The following EPB41L2 variants were observed in gnomAD, a reference collection of about 807,000 sequenced individuals.
EPB41L2 encodes erythrocyte membrane protein band 4.1 like 2.
Under a neutral mutation model 113.0 loss-of-function variants are expected in EPB41L2, and 43 were observed. The ratio of observed to expected loss-of-function variants is 0.38; its 90% CI spans 0.30 to 0.49. The LOEUF (loss-of-function observed/expected upper bound fraction) is 0.49, where lower values mean the gene tolerates loss of function less well. Ranked by LOEUF, EPB41L2 falls within the 20% of genes least tolerant of loss-of-function variation. The pLI, the probability that EPB41L2 is intolerant of heterozygous loss-of-function variation, is 0.95. For synonymous variants in EPB41L2, 442 were observed against 436.7 expected, an observed-to-expected ratio of 1.01 and a Z score of -0.15; for missense variants, 1,147 against 1,223.4, an observed-to-expected ratio of 0.94 and a Z score of 0.93.
intron 1 of EPB41L2, among the ~76,000 whole-genome samples, chr6:131,036,834 G>A (rs1014520403): frequency 1.1e-4 from 17 of 152,116 alleles, no homozygotes; most frequent in African/African-American, 3.6e-4. Flanking sequence ...CTGAGAATAG[G>A]CCAGAAGTGA....
At chr6:130,961,731 C>A (rs1366346823) in intron 1 of EPB41L2, among the ~76,000 whole-genome samples, 1 of 152,210 alleles carries the variant, frequency 6.6e-6, no homozygotes, top group Non-Finnish European at 1.5e-5. Flanking sequence ...CTGCTGCCAG[C>A]TGAGTAGCTC....
chr6:130,859,896 C>G (rs1005370827), intron 18 of EPB41L2, among the ~76,000 whole-genome samples: 1 of 152,144 alleles, frequency 6.6e-6, no homozygotes, highest in African/African-American at 2.4e-5. Flanking sequence ...AAACATGGAA[C>G]CAGACTCCAA....
chr6:130,956,911 C>T (rs569992902), intron 1 of EPB41L2, among the ~76,000 whole-genome samples: 1 of 152,234 alleles, frequency 6.6e-6, no homozygotes, highest in South Asian at 2.1e-4. Flanking sequence ...AAGATGTTAT[C>T]AACAGTGCTA....
chr6:131,027,505 C>T (rs149505066), intron 1 of EPB41L2, among the ~76,000 whole-genome samples: 4 of 152,322 alleles, frequency 2.6e-5, no homozygotes, highest in East Asian at 1.9e-4. Context: ...CTAGCAAGTC[C>T]AACAATTATC....
chr6:131,003,033 A>G lies in EPB41L2; in HGVS notation c.-14-46534T>C, dbSNP rs187931841. ...TATGAAAATAATAGTAGTTTTAAGCAAGTTATTTGATTTCACTTTACTAAA... is the reference window on the plus strand; with the variant it reads ...TATGAAAATAATAGTAGTTTTAAGCGAGTTATTTGATTTCACTTTACTAAA... On this transcript the variant is annotated intron_variant, in intron 1 of 19. Coordinates refer to ENST00000337057, the MANE Select transcript of EPB41L2 (RefSeq NM_001431.4). 2.0e-3 allele frequency among the ~76,000 whole-genome samples: 302 copies of G among 152,356 alleles called. 2 individuals are homozygous for G. The highest frequency in any genetic ancestry group is 6.9e-3 in the African/African-American group (285 of 41,576).
chr6:130,914,171 T>A lies in EPB41L2; in HGVS notation c.811-5308A>T, dbSNP rs968441442. On this transcript the variant is annotated intron_variant, in intron 4 of 19. Transcript: ENST00000337057. The stretch of plus-strand genomic sequence containing the variant: ...CAACATCTACCTCATAGGGTAGTTC[T>A]TTTCAAACAATATTCAAGCCTGAAG... 6.6e-5 allele frequency among the ~76,000 whole-genome samples: 10 copies of A among 152,228 alleles called. 1 individual carries two copies. Among genetic ancestry groups the A allele is most frequent in the Admixed American group, 6.5e-4 (10 of 15,292 alleles).
intron 3 of EPB41L2, among the ~76,000 whole-genome samples, chr6:130,944,134 G>A (rs1811874318): frequency 6.7e-6 from 1 of 149,224 alleles, no homozygotes; most frequent in South Asian, 2.1e-4. Flanking sequence ...AATGATGAGG[G>A]TGGGTGGATT....
intron 1 of EPB41L2, among the ~76,000 whole-genome samples, chr6:130,981,312 G>T (rs1326557456): frequency 6.6e-6 from 1 of 152,136 alleles, no homozygotes; most frequent in Non-Finnish European, 1.5e-5. Context: ...AAATTGCAAA[G>T]TTTGGGGAGG....
At chr6:130,920,707 A>T (rs1802602388) in intron 4 of EPB41L2, among the ~76,000 whole-genome samples, 1 of 151,978 alleles carries the variant, frequency 6.6e-6, no homozygotes, top group Admixed American at 6.6e-5. Flanking sequence ...ACAGAGTCTC[A>T]CTATGTTGCC....
chr6:131,026,689 T>C (rs771352763), intron 1 of EPB41L2, among the ~76,000 whole-genome samples: 7 of 152,200 alleles, frequency 4.6e-5, no homozygotes, highest in Non-Finnish European at 8.8e-5. Context: ...ATACTGGACA[T>C]CTCTGCAAAT....
intron 13 of EPB41L2, 68 bp downstream of exon 13, chr6:130,880,076 G>T: frequency 8.3e-7 from 1 of 1,204,402 alleles, no homozygotes; most frequent in Non-Finnish European, 1.2e-6. Context: ...GCCAGCCTAG[G>T]CGTGACCTCC....
intron 11 of EPB41L2, among the ~76,000 whole-genome samples, chr6:130,885,875 T>A (rs1790788447): frequency 6.6e-6 from 1 of 152,184 alleles, no homozygotes. Context: ...CTATGGTAAA[T>A]CTATACATAG....
intron 1 of EPB41L2, among the ~76,000 whole-genome samples, chr6:130,991,190 T>G (rs1781775275): frequency 6.6e-6 from 1 of 152,108 alleles, no homozygotes; most frequent in Non-Finnish European, 1.5e-5. Context: ...AAAATGTCAA[T>G]TTTGCGTCTG....
At chr6:130,856,134 T>A (rs73631099) in intron 19 of EPB41L2, among the ~76,000 whole-genome samples, 1,732 of 152,280 alleles carry the variant, frequency 0.011, 40 homozygotes, top group African/African-American at 0.04. Context: ...TGATTTCAGA[T>A]GGATTAAGAA....
intron 11 of EPB41L2, among the ~76,000 whole-genome samples, chr6:130,886,354 G>A (rs575427875): frequency 6.6e-6 from 1 of 152,106 alleles, no homozygotes; most frequent in South Asian, 2.1e-4. Context: ...TTCACAAAAC[G>A]CTCTTCTCAT....
intron 1 of EPB41L2, among the ~76,000 whole-genome samples, chr6:130,994,815 A>ACGCCTCTGCTCACTGAGATAAAAG (rs1782684471): frequency 6.6e-6 from 1 of 152,124 alleles, no homozygotes; most frequent in African/African-American, 2.4e-5. Context: ...TTTTAAAGTC[A>ACGCCTCTGCTCACTGAGATAAAAG]CGCCTCTGCT....
chr6:130,853,701 C>T (rs1461197593), intron 19 of EPB41L2, among the ~76,000 whole-genome samples: 5 of 152,140 alleles, frequency 3.3e-5, no homozygotes, highest in African/African-American at 1.2e-4. Flanking sequence ...CTCCCCTCCC[C>T]CTACTTTCAA....
chr6:130,994,517 A>G (rs548143202), intron 1 of EPB41L2, among the ~76,000 whole-genome samples: 2 of 152,298 alleles, frequency 1.3e-5, no homozygotes, highest in South Asian at 4.1e-4. Context: ...TTCTATGAGA[A>G]AAGACAGGGC....
intron 4 of EPB41L2, among the ~76,000 whole-genome samples, chr6:130,917,580 AC>A (rs113518316): frequency 0.024 from 3,630 of 151,676 alleles, 136 homozygotes; most frequent in African/African-American, 0.083. Flanking sequence ...CCATCTACTA[AC>A]CCCCACCCTG....
Sources: gnomAD v4.1 joint callset for allele counts (sites outside exome capture counted in the v4.1 genomes callset) on GRCh38, gnomAD v4.1.1 for gene constraint, MANE v1.5 for transcripts, NCBI Gene and HGNC (gene_info 2026-07-23, HGNC 2026-07-21) for gene names.